EXOC4: variants seen among roughly 807,000 people sequenced by gnomAD.
EXOC4 encodes the protein exocyst complex component 4.
EXOC4 carries 71 observed loss-of-function variants against 107.2 expected under a neutral mutation model. The ratio of observed to expected loss-of-function variants is 0.66; its 90% CI spans 0.55 to 0.81. EXOC4 has a LOEUF of 0.81. Ranked by LOEUF, EXOC4 falls within the 30% of genes least tolerant of loss-of-function variation. The pLI is 0.00. For synonymous variants in EXOC4, 456 were observed against 441.2 expected (o/e 1.03, Z -0.42); for missense variants, 1,108 against 1,189.6 (o/e 0.93, Z 1.01).
the EXOC4 span, among the ~76,000 whole-genome samples, chr7:134,073,218 AAAAAAAAAAAAAAAC>A: frequency 2.2e-5 from 1 of 45,448 alleles, no homozygotes; most frequent in East Asian, 6.8e-4. Context: ...AAAAAAAAAA[AAAAAAAAAAAAAAAC>A]AACAAAGAAA....
chr7:133,835,643 T>C (rs1024141244), intron 11 of EXOC4, among the ~76,000 whole-genome samples: 9 of 152,232 alleles, frequency 5.9e-5, no homozygotes, highest in African/African-American at 2.2e-4. Context: ...CAAGATTTAT[T>C]TTCCTTTCAC....
intron 9 of EXOC4, among the ~76,000 whole-genome samples, chr7:133,552,972 A>G (rs1445338757): frequency 2.0e-5 from 3 of 152,088 alleles, no homozygotes; most frequent in African/African-American, 7.2e-5. Flanking sequence ...GGTCTGATCC[A>G]TTTGCTTTTG....
rs1005639614 is a variant in EXOC4, at chr7:133,446,003, G to A, written c.1183-29325G>A. 8.4e-5 allele frequency among the ~76,000 whole-genome samples: 9 copies of A among 107,160 alleles called. No homozygotes were observed. The East Asian group carries it at 2.3e-3, about 28-fold the overall frequency. 70.3% of individuals were successfully genotyped at this position (107,160 alleles called of 152,430 possible). On this transcript the variant is annotated intron_variant, in intron 7 of 17. Coordinates refer to ENST00000253861, the MANE Select transcript of EXOC4 (RefSeq NM_021807.4). ...TGCACTTCAGCCTGGGTGACAGAAC[G>A]GAACCCTGTCTTAAAAAAAAAAAAA...
At chr7:133,591,248 C>T (rs1049540717) in intron 9 of EXOC4, among the ~76,000 whole-genome samples, 4 of 152,126 alleles carry the variant, frequency 2.6e-5, no homozygotes, top group African/African-American at 9.7e-5. Context: ...CCCATGCTGG[C>T]CTCAAACTCC....
At chr7:133,743,968 TGAGA>T (rs568922747) in intron 10 of EXOC4, among the ~76,000 whole-genome samples, 2 of 152,152 alleles carry the variant, frequency 1.3e-5, no homozygotes, top group East Asian at 3.8e-4. Context: ...GATAGGCTAC[TGAGA>T]GAGAGATTTC....
At chr7:133,858,273 A>G (rs538537141) in intron 11 of EXOC4, among the ~76,000 whole-genome samples, 1 of 152,330 alleles carries the variant, frequency 6.6e-6, no homozygotes, top group African/African-American at 2.4e-5. Context: ...AGCTCTCAGC[A>G]GAGAGGAGAC....
At chr7:134,041,109 G>A (rs1795506233) in intron 17 of EXOC4, among the ~76,000 whole-genome samples, 1 of 152,180 alleles carries the variant, frequency 6.6e-6, no homozygotes, top group African/African-American at 2.4e-5. Context: ...AGATGGTTCT[G>A]TTTGAGTTGA....
chr7:133,893,921 C>T (rs372450692), intron 11 of EXOC4, among the ~76,000 whole-genome samples: 883 of 82,218 alleles, frequency 0.011, 50 homozygotes, highest in Non-Finnish European at 0.012. Context: ...TTGCTCTTCT[C>T]GAGGAGTATC....
chr7:134,030,968 C>G (rs1020035181), intron 17 of EXOC4, among the ~76,000 whole-genome samples: 2 of 152,050 alleles, frequency 1.3e-5, no homozygotes, highest in African/African-American at 4.8e-5. Context: ...ACATACAACA[C>G]GGGTAAACCT....
Position 133,331,017 on chromosome 7 carries a change from C to T in EXOC4, c.763+13627C>T, listed in dbSNP as rs367877176. 2.8e-4 allele frequency among the ~76,000 whole-genome samples: 43 copies of T among 151,612 alleles called. No individual in the cohort carries two copies. In the East Asian group the frequency reaches 2.9e-3, roughly 10 times the overall value. On this transcript the variant is annotated intron_variant, in intron 5 of 17. Transcript: ENST00000253861. Reference sequence around the variant, plus strand: ...TTTAAATGATGCAACAGGCCTATGACGTAGTTAGGGCAGGTACTATGTGAT... The same window carrying T: ...TTTAAATGATGCAACAGGCCTATGATGTAGTTAGGGCAGGTACTATGTGAT...
intron 9 of EXOC4, among the ~76,000 whole-genome samples, chr7:133,570,525 A>C (rs1801000842): frequency 1.3e-5 from 2 of 152,224 alleles, no homozygotes; most frequent in Admixed American, 1.3e-4. Flanking sequence ...CCTGATCTCC[A>C]ACCTCAGAGA....
intron 11 of EXOC4, among the ~76,000 whole-genome samples, chr7:133,857,015 C>T (rs917955226): frequency 4.1e-5 from 6 of 146,340 alleles, no homozygotes; most frequent in African/African-American, 5.1e-5. Flanking sequence ...GAGAATCGCT[C>T]GAACCCGGGA....
the EXOC4 span, among the ~76,000 whole-genome samples, chr7:134,100,134 C>T: frequency 1.3e-5 from 2 of 152,082 alleles, no homozygotes; most frequent in African/African-American, 4.8e-5. Context: ...TTATAGTGGT[C>T]TCAGCCATGA....
intron 14 of EXOC4, among the ~76,000 whole-genome samples, chr7:133,955,957 C>G (rs1800809649): frequency 6.6e-6 from 1 of 152,184 alleles, no homozygotes; most frequent in Admixed American, 6.5e-5. Flanking sequence ...GGGGGGCTTC[C>G]CAGGCCCCTG....
At chr7:133,838,127 G>C (rs1797954615) in intron 11 of EXOC4, among the ~76,000 whole-genome samples, 1 of 152,162 alleles carries the variant, frequency 6.6e-6, no homozygotes, top group African/African-American at 2.4e-5. Context: ...AGGGAGAATG[G>C]AGTATTTAAA....
At chr7:133,526,517 G>A (rs1800081618) in intron 9 of EXOC4, among the ~76,000 whole-genome samples, 2 of 152,176 alleles carry the variant, frequency 1.3e-5, no homozygotes, top group African/African-American at 4.8e-5. Flanking sequence ...TGTTGCTCAA[G>A]AGAGAAGCTT....
chr7:133,565,980 C>G lies in EXOC4; in HGVS notation c.1418-64065C>G, dbSNP rs112052666. ...AAAGTATACCCAAGATACAAGGCAA[C>G]AATGTTAGTGTCTAAATAGTTGCAC... On this transcript the variant is annotated intron_variant, in intron 9 of 17. Coordinates refer to ENST00000253861, the MANE Select transcript of EXOC4 (RefSeq NM_021807.4). Among the ~76,000 whole-genome samples the G allele has an allele frequency of 3.4e-4, 52 of 152,220 alleles. 1 individual carries two copies. Among genetic ancestry groups the G allele is most frequent in the Non-Finnish European group, 6.3e-4 (43 of 68,008 alleles).
intron 9 of EXOC4, among the ~76,000 whole-genome samples, chr7:133,549,451 T>G (rs1161665693): frequency 1.3e-5 from 2 of 151,806 alleles, no homozygotes; most frequent in Non-Finnish European, 2.9e-5. Context: ...GGCCAGTGAG[T>G]GGGGCAGTCA....
At chr7:133,253,571 T>G (rs1417343173) in intron 1 of EXOC4, 1 of 976,364 alleles carries the variant, frequency 1.0e-6, no homozygotes, top group African/African-American at 1.8e-5. Flanking sequence ...TCTTGTTTCC[T>G]GGACTTTGGG....
Sources: gnomAD v4.1 joint callset for allele counts (sites outside exome capture counted in the v4.1 genomes callset) on GRCh38, gnomAD v4.1.1 for gene constraint, MANE v1.5 for transcripts, NCBI Gene and HGNC (gene_info 2026-07-23, HGNC 2026-07-21) for gene names.